Variants in RCBTB2 observed in about 807,000 individuals in gnomAD.
The protein encoded by RCBTB2 is RCC1 and BTB domain-containing protein 2.
A neutral mutation model predicts 65.4 loss-of-function variants in RCBTB2; 55 were observed. The ratio of observed to expected loss-of-function variants is 0.84; its 90% CI spans 0.68 to 1.05. RCBTB2 has a LOEUF of 1.05. Among genes scored for constraint, RCBTB2 ranks in the 50% least tolerant of loss-of-function variants. The pLI, the probability that RCBTB2 is intolerant of heterozygous loss-of-function variation, is 0.00. For synonymous variants in RCBTB2, 220 were observed against 255.2 expected (o/e 0.86, Z 1.31); for missense variants, 599 against 680.1 (o/e 0.88, Z 1.33).
chr13:48,524,422 A>G (rs1013307543), intron 2 of RCBTB2, among the ~76,000 whole-genome samples: 2 of 152,236 alleles, frequency 1.3e-5, no homozygotes, highest in Non-Finnish European at 2.9e-5. Context: ...ATAATATCCA[A>G]ATGAAACAGG....
upstream of RCBTB2, among the ~76,000 whole-genome samples, chr13:48,535,018 A>G (rs1476434498): frequency 1.3e-5 from 2 of 152,224 alleles, no homozygotes; most frequent in African/African-American, 4.8e-5. Flanking sequence ...TACAGTCTCA[A>G]GGTTTTCACT....
chr13:48,495,765 C>G (rs1949939744), intron 14 of RCBTB2, among the ~76,000 whole-genome samples: 1 of 152,124 alleles, frequency 6.6e-6, no homozygotes, highest in South Asian at 2.1e-4. Context: ...AAAAGTTATA[C>G]CTTGTTTTCA....
At chr13:48,535,366 A>G (rs7986425), upstream of RCBTB2, among the ~76,000 whole-genome samples, 5,960 of 150,176 alleles carry the variant, frequency 0.04, 394 homozygotes, top group African/African-American at 0.14. Flanking sequence ...GGTGATTCTC[A>G]TGCCTAAGCC....
chr13:48,519,675 A>G (rs140355761), intron 4 of RCBTB2, among the ~76,000 whole-genome samples: 2,251 of 152,344 alleles, frequency 0.015, 28 homozygotes, highest in Non-Finnish European at 0.024. Flanking sequence ...ATTCTCTTCA[A>G]GGAGGTCACA....
chr13:48,515,498 C>G lies in RCBTB2; in HGVS notation c.198+88G>C, dbSNP rs191299766. The G allele has an allele frequency of 1.8e-5, 25 of 1,379,250 alleles. No homozygotes were observed. In the East Asian group the frequency reaches 5.9e-4, roughly 32 times the overall value. The allele number at this position is 1,379,250 out of a possible 1,614,324, so 85.4% of individuals were successfully genotyped here. A position where few individuals can be genotyped will look rare whatever the true frequency, so the allele number is the denominator to read the frequency against. ...TAATTTCCATGCTTTTTTTTTTAAC[C>G]TTTTATTCCTTAGTTCCCCCAAGAT... is the stretch of plus-strand genomic sequence containing the variant. On this transcript the variant is annotated intron_variant, in intron 5 of 14. Transcript: ENST00000344532.
chr13:48,509,757 A>G (rs1442460913), intron 10 of RCBTB2, among the ~76,000 whole-genome samples: 3 of 152,232 alleles, frequency 2.0e-5, no homozygotes, highest in African/African-American at 4.8e-5. Flanking sequence ...AAAAATGACA[A>G]TTTGGTTCTT....
rs1949620809 is a variant in RCBTB2, at chr13:48,489,790, C to T, written c.*321G>A. ...GGTATCAGCCAGCTGAATAATGGAA[C>T]ATTTGGGCCAGAATAGCATATACTG... On this transcript the variant is annotated 3_prime_UTR_variant, in exon 15 of 15. Coordinates refer to ENST00000344532, the MANE Select transcript of RCBTB2 (RefSeq NM_001268.4). 4 of 320,274 alleles carry T rather than the reference C, an allele frequency of 1.2e-5. No individual in the cohort carries two copies. The highest frequency in any genetic ancestry group is 9.7e-5 in the Admixed American group (2 of 20,640). The allele number at this position is 320,274 out of a possible 1,614,324, so 19.8% of individuals were successfully genotyped here.
chr13:48,505,050 CTTTT>C (rs533831016), intron 10 of RCBTB2, among the ~76,000 whole-genome samples: 3 of 138,360 alleles, frequency 2.2e-5, no homozygotes, highest in East Asian at 2.0e-4. Context: ...TTATTTCTTT[CTTTT>C]TTTTTTTTTT....
chr13:48,513,019 C>T (rs1290871079), intron 6 of RCBTB2, 124 bp from the exon 7 acceptor site: 2 of 697,040 alleles, frequency 2.9e-6, no homozygotes, highest in Non-Finnish European at 4.6e-6. Flanking sequence ...ATCAACTTCC[C>T]CATTCCACCA....
intron 6 of RCBTB2, among the ~76,000 whole-genome samples, chr13:48,514,127 T>C (rs1566303528): frequency 6.6e-6 from 1 of 152,252 alleles, no homozygotes; most frequent in Non-Finnish European, 1.5e-5. Flanking sequence ...GGTTTCTCTT[T>C]GGCATATCCA....
In RCBTB2 at chr13:48,503,188, T is replaced by C. The variant is rs1950325536; in HGVS notation, c.927-274A>G. 3.9e-5 allele frequency among the ~76,000 whole-genome samples: 6 copies of C among 152,198 alleles called. No individual in the cohort carries two copies. The South Asian group carries it at 1.2e-3, about 32-fold the overall frequency. On this transcript the variant is annotated intron_variant, in intron 10 of 14. Coordinates refer to ENST00000344532, the MANE Select transcript of RCBTB2 (RefSeq NM_001268.4). The stretch of plus-strand genomic sequence containing the variant: ...GTACCACTTCTAGCCAGTAGGCCTA[T>C]AAAAATATGCACCATCCTGTTTTGA...
intron 3 of RCBTB2, 83 bp downstream of exon 3, chr13:48,522,225 G>A (rs925750365): frequency 1.1e-6 from 1 of 926,802 alleles, no homozygotes; most frequent in Non-Finnish European, 1.7e-6. Context: ...ATTCACATGG[G>A]TCCTTAACTC....
At chr13:48,495,988 T>A (rs988025800) in intron 14 of RCBTB2, among the ~76,000 whole-genome samples, 25 of 106,398 alleles carry the variant, frequency 2.3e-4, no homozygotes, top group Admixed American at 1.9e-3. Flanking sequence ...GAGCTATAAA[T>A]CCTTTATGGC....
rs977689957 is a variant in RCBTB2, at chr13:48,499,656, G to A, written c.1349C>T (p.Thr450Ile). 1 of 1,614,204 alleles carries A rather than the reference G, an allele frequency of 6.2e-7. No individual in the cohort carries two copies. The highest frequency in any genetic ancestry group is 8.5e-7 in the Non-Finnish European group (1 of 1,180,028). ...VYRAFLEYLYTDSISLSPEEA... is the reference protein window; with the variant it reads ...VYRAFLEYLYIDSISLSPEEA... ...CTCAGGAGAAAGGCTGATGCTGTCT[G>A]TGTATAGGTATTCCAGGAAGGCCCG... The change falls in exon 13 of 15, where the codon ACA becomes ATA. Residue 450 changes from threonine to isoleucine, a missense_variant. Transcript: ENST00000344532.
chr13:48,528,261 T>C (rs1441143684), intron 1 of RCBTB2, among the ~76,000 whole-genome samples: 1 of 152,136 alleles, frequency 6.6e-6, no homozygotes, highest in Non-Finnish European at 1.5e-5. Context: ...TAAATGCTAA[T>C]AATTCTTCTT....
chr13:48,512,128 G>C lies in RCBTB2; in HGVS notation c.563C>G (p.Ser188Ter), dbSNP rs543278946. The change falls in exon 8 of 15, where the codon TCA becomes TGA. Residue 188 changes from serine (S) to a stop codon, truncating the protein, a stop_gained. Transcript: ENST00000344532. LOFTEE classifies it high-confidence loss of function. ...YNNSGQVGSG[S>*]TVNQPIPRRV... ...TCGAGGGATTGGCTGATTAACTGTT[G>C]ATCCAGATCCTACCTGCCCAGAGTT... The C allele has an allele frequency of 6.2e-7, 1 of 1,614,078 alleles. No homozygotes were observed. The highest frequency in any genetic ancestry group is 8.5e-7 in the Non-Finnish European group (1 of 1,179,948).
chr13:48,495,147 G>A (rs950999067), intron 14 of RCBTB2, among the ~76,000 whole-genome samples: 1 of 152,036 alleles, frequency 6.6e-6, no homozygotes, highest in Non-Finnish European at 1.5e-5. Context: ...AAACTGACTC[G>A]AAGATGTTAC....
rs916394371 is a variant in RCBTB2 at position 48,524,651 on chromosome 13, T to G, written c.-120+8A>C. On this transcript the variant is annotated splice_region_variant and intron_variant, in intron 2 of 14. Transcript: ENST00000344532. ...GGCTGGGAGCATTCCCTCCAAAAAC[T>G]TTTGTACCTGATTGTTTTAAATTTC... The G allele has an allele frequency of 6.6e-6, 1 of 152,218 alleles. No homozygotes were observed. The highest frequency in any genetic ancestry group is 2.4e-5 in the African/African-American group (1 of 41,446). The allele number at this position is 152,218 out of a possible 1,614,324, so 9.4% of individuals were successfully genotyped here.
chr13:48,531,719 TAA>T (rs1191737350), intron 1 of RCBTB2, among the ~76,000 whole-genome samples: 2 of 152,354 alleles, frequency 1.3e-5, no homozygotes, highest in East Asian at 1.9e-4. Context: ...TAGCAGGAAA[TAA>T]AGAGATTACG....
Sources: gnomAD v4.1 joint callset for allele counts (sites outside exome capture counted in the v4.1 genomes callset) on GRCh38, gnomAD v4.1.1 for gene constraint, MANE v1.5 for transcripts, NCBI Gene and HGNC (gene_info 2026-07-23, HGNC 2026-07-21) for gene names.